The following TRIM23 variants were observed in gnomAD, a reference collection of about 807,000 sequenced individuals.
TRIM23 encodes the protein tripartite motif containing 23.
A neutral mutation model predicts 71.0 loss-of-function variants in TRIM23; 27 were observed. The observed-to-expected ratio is 0.38, with a 90% CI of 0.28 to 0.52. The LOEUF is 0.52. Ranked by LOEUF, TRIM23 falls within the 20% of genes least tolerant of loss-of-function variation. The pLI is 0.84. For synonymous variants in TRIM23, 234 were observed against 238.0 expected, an observed-to-expected ratio of 0.98 and a Z score of 0.16; for missense variants, 482 against 692.3, an observed-to-expected ratio of 0.70 and a Z score of 3.41.
chr5:65,596,434 GTAA>G lies in TRIM23; in HGVS notation c.1404_1406del (p.Tyr469del), dbSNP rs1213751875. 3.1e-6 allele frequency: 5 copies of G among 1,596,846 alleles called. No individual in the cohort carries two copies. Among genetic ancestry groups the G allele is most frequent in the East Asian group, 2.2e-5 (1 of 44,658 alleles). On this transcript the variant is annotated inframe_deletion, in exon 9 of 11. Coordinates refer to ENST00000231524, the MANE Select transcript of TRIM23 (RefSeq NM_001656.4). ...TTTAACTCTCACCTTGAGTATTGAG[GTAA>G]TAATGTTTCCACAATGGTCTTAATT...
chr5:65,597,656 T>C (rs1012030533), intron 7 of TRIM23, among the ~76,000 whole-genome samples: 1 of 152,188 alleles, frequency 6.6e-6, no homozygotes, highest in Non-Finnish European at 1.5e-5. Context: ...TTGAAACTAA[T>C]GTGTTTCACT....
chr5:65,614,284 C>T (rs1754727432), intron 2 of TRIM23, 65 bp from the exon 3 acceptor site: 2 of 1,483,080 alleles, frequency 1.3e-6, no homozygotes, highest in Non-Finnish European at 1.9e-6. Context: ...TTTACCCATA[C>T]CTCAAAAGTA....
intron 3 of TRIM23, chr5:65,613,604 T>C (rs1754707748): frequency 4.1e-6 from 3 of 722,894 alleles, no homozygotes; most frequent in African/African-American, 1.9e-5. Context: ...TCTACCTGTA[T>C]GGATAAAGAC....
rs1160036289 is a variant in TRIM23 at position 65,610,087 on chromosome 5, T to C, written c.829-629A>G. On this transcript the variant is annotated intron_variant, in intron 5 of 10. Coordinates refer to ENST00000231524, the MANE Select transcript of TRIM23 (RefSeq NM_001656.4). ...ACAATTAATCACTAAGACCTATCTA[T>C]TCTACTTATTTAAAATCTCAAATCC... is the stretch of plus-strand genomic sequence containing the variant. 2.0e-5 allele frequency among the ~76,000 whole-genome samples: 3 copies of C among 152,206 alleles called. No individual in the cohort carries two copies. In the East Asian group the frequency reaches 5.8e-4, roughly 29 times the overall value.
chr5:65,611,676 A>G lies in TRIM23; in HGVS notation c.572T>C (p.Leu191Ser), dbSNP rs747823103. The G allele has an allele frequency of 2.5e-6, 4 of 1,614,206 alleles. No individual in the cohort carries two copies. Among genetic ancestry groups the G allele is most frequent in the Non-Finnish European group, 3.4e-6 (4 of 1,180,034 alleles). The change falls in exon 4 of 11, where the codon TTG becomes TCG. Residue 191 changes from leucine to serine, a missense_variant. Physicochemically the swap from Leu to Ser is moderately radical, Grantham distance 145. This residue lies in a region of TRIM23 where 307 missense variants were observed against 495.8 expected (regional missense o/e 0.62). Coordinates refer to ENST00000231524, the MANE Select transcript of TRIM23 (RefSeq NM_001656.4). ...HQVHAIEFVC[L>S]EEGCQTSPLM... The stretch of plus-strand genomic sequence containing the variant: ...TGGGCTAGTTTGACAACCTTCTTCC[A>G]AGCAAACAAACTCAATGGCATGCAC...
chr5:65,592,051 C>T, intron 10 of TRIM23, 103 bp from the exon 11 acceptor site: 1 of 1,113,016 alleles, frequency 9.0e-7, no homozygotes, highest in South Asian at 2.0e-5. Context: ...CTAACAGAAG[C>T]CTAAACAAAA....
In TRIM23 at chr5:65,594,623, G is replaced by T. The variant is rs764798119; in HGVS notation, c.1443C>A (p.Ser481Arg). The T allele has an allele frequency of 6.3e-7, 1 of 1,596,022 alleles. No homozygotes were observed. The highest frequency in any genetic ancestry group is 8.5e-7 in the Non-Finnish European group (1 of 1,173,492). Residue 481 changes from serine (S) to arginine (R), a missense_variant, in exon 10 of 11, where the codon AGC (serine) becomes AGA (arginine). Ser to Arg is a moderately radical substitution (Grantham distance 110). This residue lies in a region of TRIM23 where 307 missense variants were observed against 495.8 expected (regional missense o/e 0.62). Transcript: ENST00000231524. Reference sequence around the variant, plus strand: ...CTTCACTAATTCTGTCTCTATGACTGCTATCTACAACAAACACAACAGCTA... The same window carrying T: ...CTTCACTAATTCTGTCTCTATGACTTCTATCTACAACAAACACAACAGCTA... ...NTQAVVFVVD[S>R]SHRDRISEAH...
intron 7 of TRIM23, 197 bp downstream of exon 7, chr5:65,604,714 C>G (rs183922520): frequency 9.0e-5 from 40 of 443,792 alleles, no homozygotes; most frequent in African/African-American, 6.4e-4. Flanking sequence ...AGGGGCCATG[C>G]TAATCTTCTT....
intron 6 of TRIM23, among the ~76,000 whole-genome samples, chr5:65,605,507 C>T (rs1162233020): frequency 6.6e-6 from 1 of 152,160 alleles, no homozygotes. Flanking sequence ...GGTACTTGAT[C>T]TGAGTGCTAG....
intron 7 of TRIM23, among the ~76,000 whole-genome samples, chr5:65,601,023 C>T (rs1025682631): frequency 2.0e-5 from 3 of 152,146 alleles, no homozygotes; most frequent in African/African-American, 7.2e-5. Flanking sequence ...GAAACTGCAC[C>T]CTTGTGCACC....
Position 65,591,800 on chromosome 5 carries a change from A to C in TRIM23, c.1694T>G (p.Leu565Arg). The change falls in exon 11 of 11, where the codon CTT (leucine) becomes CGT (arginine). Residue 565 changes from leucine to arginine, a missense_variant. Coordinates refer to ENST00000231524, the MANE Select transcript of TRIM23 (RefSeq NM_001656.4). ...YEGLDWLSRQ[L>R]VAAGVLDVA Reference sequence around the variant, plus strand: ...AACATCCAATACTCCAGCAGCTACAAGTTGCCGTGAGAGCCAGTCCAACCC... The same window carrying C: ...AACATCCAATACTCCAGCAGCTACACGTTGCCGTGAGAGCCAGTCCAACCC... 6.2e-7 allele frequency: 1 copy of C among 1,610,878 alleles called. No individual in the cohort carries two copies. Among genetic ancestry groups the C allele is most frequent in the Non-Finnish European group, 8.5e-7 (1 of 1,177,958 alleles).
At chr5:65,603,010 T>C (rs1561744590) in intron 7 of TRIM23, among the ~76,000 whole-genome samples, 2 of 152,132 alleles carry the variant, frequency 1.3e-5, no homozygotes. Flanking sequence ...TTTCACATGC[T>C]ACAATATGGA....
intron 3 of TRIM23, 23 bp from the exon 4 acceptor site, chr5:65,611,904 C>T (rs1276829766): frequency 4.4e-6 from 7 of 1,598,684 alleles, no homozygotes; most frequent in Non-Finnish European, 4.3e-6. Context: ...AAATTAATGC[C>T]TTAAAATTGA....
chr5:65,615,582 A>G (rs745604546), intron 2 of TRIM23, among the ~76,000 whole-genome samples: 1 of 151,974 alleles, frequency 6.6e-6, no homozygotes, highest in African/African-American at 2.4e-5. Context: ...TGGACTGAAC[A>G]TATCTATCCT....
rs1477089415 is a variant in TRIM23 at position 65,618,075 on chromosome 5, T to C, written c.244+18A>G. On this transcript the variant is annotated intron_variant, in intron 2 of 10. Coordinates refer to ENST00000231524, the MANE Select transcript of TRIM23 (RefSeq NM_001656.4). ...TGAACAATTTTCAATCTTAAATCCA[T>C]ACAAATACTTTTCCTACCTAGGTCT... 1.3e-6 allele frequency: 2 copies of C among 1,585,822 alleles called. No homozygotes were observed. Among genetic ancestry groups the C allele is most frequent in the Admixed American group, 1.8e-5 (1 of 55,326 alleles).
At chr5:65,610,697 T>A (rs1315608172) in intron 5 of TRIM23, among the ~76,000 whole-genome samples, 164 bp downstream of exon 5, 1 of 152,202 alleles carries the variant, frequency 6.6e-6, no homozygotes, top group Non-Finnish European at 1.5e-5. Flanking sequence ...AAACTCTCTC[T>A]TTTCCATGAT....
At chr5:65,594,227 T>G (rs966947820) in intron 10 of TRIM23, among the ~76,000 whole-genome samples, 5 of 152,250 alleles carry the variant, frequency 3.3e-5, no homozygotes, top group African/African-American at 1.2e-4. Context: ...TTAGAACTAC[T>G]TTCCTAATTC....
At chr5:65,611,140 C>A (rs1223596717) in intron 4 of TRIM23, 97 bp from the exon 5 acceptor site, 12 of 1,122,310 alleles carry the variant, frequency 1.1e-5, no homozygotes, top group Non-Finnish European at 1.5e-5. Context: ...AAGCATCAGC[C>A]ACAAGTGACT....
chr5:65,593,481 ACTTTCATCTTT>A (rs1204170951), intron 10 of TRIM23, among the ~76,000 whole-genome samples: 10 of 152,220 alleles, frequency 6.6e-5, no homozygotes, highest in Admixed American at 5.9e-4. Flanking sequence ...ATTATAAAAC[ACTTTCATCTTT>A]AACTATCTGA....
Sources: gnomAD v4.1 joint callset for allele counts (sites outside exome capture counted in the v4.1 genomes callset) on GRCh38, gnomAD v4.1.1 for gene constraint, gnomAD v4.1.1 regional missense constraint, MANE v1.5 for transcripts, NCBI Gene and HGNC (gene_info 2026-07-23, HGNC 2026-07-21) for gene names.